The following TJP1 variants were observed in gnomAD, a reference collection of about 807,000 sequenced individuals.
The protein encoded by TJP1 is tight junction protein 1.
Under a neutral mutation model 194.2 loss-of-function variants are expected in TJP1, and 43 were observed. That is an observed-to-expected ratio of 0.22 (90% CI 0.17 to 0.29). TJP1 has a LOEUF of 0.29. TJP1 is among the 10% of genes least tolerant of loss of function. The probability of loss-of-function intolerance (pLI) is 1.00; values close to 1 mark genes in which losing one functional copy is unlikely to be tolerated. For synonymous variants in TJP1, 801 were observed against 779.0 expected, an observed-to-expected ratio of 1.03 and a Z score of -0.47; for missense variants, 1,971 against 2,185.7, an observed-to-expected ratio of 0.90 and a Z score of 1.96.
At chr15:29,722,307 G>A (rs2097944557) in intron 18 of TJP1, among the ~76,000 whole-genome samples, 1 of 152,230 alleles carries the variant, frequency 6.6e-6, no homozygotes, top group Non-Finnish European at 1.5e-5. Flanking sequence ...GCCCGGCCCT[G>A]CTGCTCTGTG....
At chr15:29,726,680 G>C (rs1382422508) in intron 17 of TJP1, 101 bp downstream of exon 17, 1 of 1,260,948 alleles carries the variant, frequency 7.9e-7, no homozygotes, top group Non-Finnish European at 1.1e-6. Context: ...TTCCAAGAAA[G>C]TATCATGTAA....
intron 2 of TJP1, among the ~76,000 whole-genome samples, chr15:29,877,631 TTTC>T (rs935953266): frequency 9.2e-5 from 14 of 151,662 alleles, no homozygotes; most frequent in African/African-American, 2.9e-4. Flanking sequence ...CTCCTTCTTC[TTTC>T]TTCTTCTCTT....
intron 2 of TJP1, among the ~76,000 whole-genome samples, chr15:29,790,949 A>G (rs1481275357): frequency 6.6e-6 from 1 of 152,128 alleles, no homozygotes; most frequent in Non-Finnish European, 1.5e-5. Flanking sequence ...CAACTGATGT[A>G]CACTTATGTT....
At chr15:29,866,971 C>T (rs766634832) in intron 2 of TJP1, among the ~76,000 whole-genome samples, 4 of 152,176 alleles carry the variant, frequency 2.6e-5, no homozygotes, top group Admixed American at 2.0e-4. Context: ...AGCCTGAGCG[C>T]GTCTTCACTC....
At chr15:29,919,246 C>G (rs2054280950) in intron 2 of TJP1, among the ~76,000 whole-genome samples, 1 of 152,176 alleles carries the variant, frequency 6.6e-6, no homozygotes, top group Non-Finnish European at 1.5e-5. Context: ...AGGTCTCCAT[C>G]AGAGGAGAGG....
At chr15:29,731,421 G>A (rs2043651420) in intron 15 of TJP1, among the ~76,000 whole-genome samples, 1 of 152,202 alleles carries the variant, frequency 6.6e-6, no homozygotes, top group Admixed American at 6.5e-5. Flanking sequence ...TTACCAGTGT[G>A]TCAGGCAATC....
At chr15:29,732,984 G>C (rs1202534069) in intron 13 of TJP1, 110 bp downstream of exon 13, 2 of 1,312,314 alleles carry the variant, frequency 1.5e-6, no homozygotes, top group Non-Finnish European at 2.1e-6. Flanking sequence ...TAGATACGTT[G>C]AATACAATGA....
intron 1 of TJP1, among the ~76,000 whole-genome samples, chr15:29,802,716 T>G (rs901761686): frequency 6.6e-6 from 1 of 152,208 alleles, no homozygotes; most frequent in African/African-American, 2.4e-5. Context: ...CTGCAAGAGT[T>G]GCCAGTTTGT....
chr15:29,833,857 G>GTA lies in TJP1; in HGVS notation c.307-33157_307-33156dup, dbSNP rs71416436. ...TAAAGATGCAATATAATTTTTGTAA[G>GTA]TATATATATATATATATATATATAT... is the stretch of plus-strand genomic sequence containing the variant. On this transcript the variant is annotated intron_variant, in intron 2 of 28. Transcript: ENST00000356107. Among the ~76,000 whole-genome samples, 164 of 25,848 alleles carry GTA rather than the reference G, an allele frequency of 6.3e-3. 14 individuals carry two copies. Among genetic ancestry groups the GTA allele is most frequent in the South Asian group, 0.014 (7 of 508 alleles). 17.0% of individuals were successfully genotyped at this position (25,848 alleles called of 152,430 possible). A position where few individuals can be genotyped will look rare whatever the true frequency, so the allele number is the denominator to read the frequency against.
intron 2 of TJP1, among the ~76,000 whole-genome samples, chr15:29,837,376 T>C (rs542683146): frequency 2.6e-5 from 4 of 152,234 alleles, no homozygotes; most frequent in Non-Finnish European, 4.4e-5. Context: ...CTGACCAACA[T>C]GGAGAAACCC....
chr15:29,744,071 C>T (rs45513991), intron 8 of TJP1, among the ~76,000 whole-genome samples: 102 of 152,136 alleles, frequency 6.7e-4, no homozygotes, highest in African/African-American at 2.2e-3. Context: ...CCCAGCTACT[C>T]GTGAGGCTGA....
chr15:29,955,970 A>C (rs774984621), intron 2 of TJP1, among the ~76,000 whole-genome samples: 11 of 152,052 alleles, frequency 7.2e-5, no homozygotes, highest in African/African-American at 2.2e-4. Flanking sequence ...TCGAACTTAA[A>C]TCAATTTTTC....
At chr15:29,961,868 C>T (rs934862341) in intron 1 of TJP1, among the ~76,000 whole-genome samples, 5 of 152,186 alleles carry the variant, frequency 3.3e-5, no homozygotes, top group African/African-American at 1.2e-4. Flanking sequence ...TAGACAGACC[C>T]TCATTTGGGT....
At chr15:29,819,129 T>G (rs976015517) in intron 1 of TJP1, among the ~76,000 whole-genome samples, 6 of 152,252 alleles carry the variant, frequency 3.9e-5, no homozygotes, top group Non-Finnish European at 7.3e-5. Context: ...ATACATATTT[T>G]TAAGTAGTAT....
At chr15:29,741,536 T>G (rs2044419770) in intron 9 of TJP1, 100 bp from the exon 10 acceptor site, 1 of 748,506 alleles carries the variant, frequency 1.3e-6, no homozygotes, top group Non-Finnish European at 2.3e-6. Context: ...GAGAACCTGA[T>G]GAGGAACATA....
At position 29,963,779 on chromosome 15, in the gene TJP1, G is replaced by A. The variant is rs964125521; in HGVS notation, c.173+4888C>T. 5.3e-5 allele frequency among the ~76,000 whole-genome samples: 8 copies of A among 152,154 alleles called. No homozygotes were observed. The East Asian group carries it at 7.7e-4, about 15-fold the overall frequency. Reference sequence around the variant, plus strand: ...AGCGATTCTTCTGTCTCAGCCTCCCGAGCAGCTGGGACTACAGGTACGCGC... The same window carrying A: ...AGCGATTCTTCTGTCTCAGCCTCCCAAGCAGCTGGGACTACAGGTACGCGC... On this transcript the variant is annotated intron_variant, in intron 1 of 28. Coordinates refer to the TJP1 transcript ENST00000356107.
intron 2 of TJP1, among the ~76,000 whole-genome samples, chr15:29,902,832 G>A (rs186566343): frequency 9.5e-4 from 145 of 152,196 alleles, no homozygotes; most frequent in African/African-American, 3.3e-3. Context: ...TCAACAGATC[G>A]AGACCATCCT....
chr15:29,959,664 C>A (rs1289063025), intron 1 of TJP1, among the ~76,000 whole-genome samples: 2 of 152,180 alleles, frequency 1.3e-5, no homozygotes, highest in African/African-American at 2.4e-5. Flanking sequence ...TTTCTCTCAA[C>A]AGATCTATCC....
intron 10 of TJP1, chr15:29,741,087 C>A: frequency 2.1e-5 from 5 of 241,896 alleles, no homozygotes; most frequent in Non-Finnish European, 2.3e-5. Flanking sequence ...TTTCTAATTC[C>A]TAATTTAAAA....
Sources: gnomAD v4.1 joint callset for allele counts (sites outside exome capture counted in the v4.1 genomes callset) on GRCh38, gnomAD v4.1.1 for gene constraint, MANE v1.5 for transcripts, NCBI Gene and HGNC (gene_info 2026-07-23, HGNC 2026-07-21) for gene names.